The following FILIP1L variants were observed in gnomAD, a reference collection of about 807,000 sequenced individuals.
FILIP1L encodes the protein filamin A interacting protein 1 like.
In FILIP1L, 55 loss-of-function variants were observed where a neutral mutation model predicts 96.6. The ratio of observed to expected loss-of-function variants is 0.57; its 90% CI spans 0.46 to 0.71. The LOEUF is 0.71. Among genes scored for constraint, FILIP1L ranks in the 30% least tolerant of loss-of-function variants. FILIP1L has a pLI of 0.00. For missense variants in FILIP1L, 1,304 were observed against 1,321.2 expected (o/e 0.99, Z 0.20); for synonymous variants, 467 against 473.9 (o/e 0.99, Z 0.19).
chr3:99,923,895 C>T (rs1051043808), intron 4 of FILIP1L, among the ~76,000 whole-genome samples: 4 of 152,182 alleles, frequency 2.6e-5, no homozygotes, highest in African/African-American at 7.2e-5. Flanking sequence ...CACTTCTATA[C>T]TAACACACTT....
intron 1 of FILIP1L, among the ~76,000 whole-genome samples, chr3:99,952,652 A>C (rs1404251307): frequency 6.6e-6 from 1 of 152,226 alleles, no homozygotes; most frequent in Middle Eastern, 3.2e-3. Context: ...AGAGAAAGAG[A>C]GCACTGTTCA....
chr3:99,967,512 A>G (rs1342819835), intron 1 of FILIP1L, among the ~76,000 whole-genome samples: 3 of 152,172 alleles, frequency 2.0e-5, no homozygotes, highest in African/African-American at 7.2e-5. Flanking sequence ...TTGTTCCACT[A>G]AGAGTCCCCT....
intron 4 of FILIP1L, among the ~76,000 whole-genome samples, chr3:99,853,399 G>C (rs182162724): frequency 2.6e-5 from 4 of 152,288 alleles, no homozygotes; most frequent in East Asian, 3.9e-4. Context: ...TATAGCATGT[G>C]CTATGTCATT....
intron 1 of FILIP1L, among the ~76,000 whole-genome samples, chr3:100,068,746 G>A (rs1282694554): frequency 2.6e-5 from 4 of 152,118 alleles, no homozygotes; most frequent in Non-Finnish European, 4.4e-5. Context: ...TCCTGCCTCA[G>A]CCTCCCAAGT....
intron 1 of FILIP1L, among the ~76,000 whole-genome samples, chr3:99,975,450 AG>A (rs1708940930): frequency 6.6e-6 from 1 of 151,760 alleles, no homozygotes; most frequent in Non-Finnish European, 1.5e-5. Context: ...AAATTAGCTG[AG>A]TATGGTGGCG....
intron 5 of FILIP1L, among the ~76,000 whole-genome samples, chr3:99,843,526 A>T (rs908025126): frequency 6.6e-6 from 1 of 152,184 alleles, no homozygotes; most frequent in Non-Finnish European, 1.5e-5. Context: ...GTCAATACAG[A>T]TGCTTTTTGA....
At chr3:99,980,637 T>A (rs1344310409) in intron 1 of FILIP1L, among the ~76,000 whole-genome samples, 1 of 152,192 alleles carries the variant, frequency 6.6e-6, no homozygotes, top group Non-Finnish European at 1.5e-5. Context: ...GAATAAGGAA[T>A]TGAGGGCTTA....
chr3:99,956,961 G>T (rs1708338347), intron 1 of FILIP1L, among the ~76,000 whole-genome samples: 1 of 152,104 alleles, frequency 6.6e-6, no homozygotes, highest in Non-Finnish European at 1.5e-5. Flanking sequence ...TCTTAAAGAG[G>T]TCTTCCTACC....
intron 4 of FILIP1L, among the ~76,000 whole-genome samples, chr3:99,862,581 A>T (rs1429969281): frequency 6.6e-6 from 1 of 152,202 alleles, no homozygotes; most frequent in Non-Finnish European, 1.5e-5. Flanking sequence ...TACCTACTAA[A>T]TGCCAGGAGC....
chr3:100,019,186 A>G (rs1328145002), intron 1 of FILIP1L, among the ~76,000 whole-genome samples: 2 of 152,164 alleles, frequency 1.3e-5, no homozygotes, highest in Non-Finnish European at 1.5e-5. Context: ...GCATATATCC[A>G]AAAGAAAATC....
At chr3:100,098,900 G>A (rs1359330253) in intron 1 of FILIP1L, among the ~76,000 whole-genome samples, 3 of 152,132 alleles carry the variant, frequency 2.0e-5, no homozygotes, top group Admixed American at 1.3e-4. Flanking sequence ...TTCATTGCCT[G>A]GAACTAGATA....
At chr3:99,947,782 T>G (rs1226329466) in intron 1 of FILIP1L, among the ~76,000 whole-genome samples, 1 of 152,228 alleles carries the variant, frequency 6.6e-6, no homozygotes, top group African/African-American at 2.4e-5. Context: ...TAGACCACTA[T>G]ACTACCTTTC....
intron 1 of FILIP1L, among the ~76,000 whole-genome samples, chr3:99,989,581 G>A (rs1709451225): frequency 6.6e-6 from 1 of 151,626 alleles, no homozygotes; most frequent in Non-Finnish European, 1.5e-5. Context: ...AAGCTACTCT[G>A]ACTTTATTTT....
intron 1 of FILIP1L, among the ~76,000 whole-genome samples, chr3:99,983,494 A>ATATATG (rs1709230244): frequency 8.4e-6 from 1 of 119,012 alleles, no homozygotes; most frequent in Non-Finnish European, 1.7e-5. Context: ...ATATATATAT[A>ATATATG]TATATATATA....
At chr3:100,086,445 T>C (rs1188796162) in intron 1 of FILIP1L, among the ~76,000 whole-genome samples, 1 of 152,242 alleles carries the variant, frequency 6.6e-6, no homozygotes, top group Non-Finnish European at 1.5e-5. Context: ...GTTCTACTCT[T>C]ATCTGTGCTT....
At chr3:99,925,849 G>C in intron 3 of FILIP1L, 1 of 985,406 alleles carries the variant, frequency 1.0e-6, no homozygotes. Context: ...AGACAGCCAA[G>C]CTCACTGGGC....
rs547932382 is a variant in FILIP1L at position 100,051,720 on chromosome 3, G to A, written c.-11+62333C>T. On this transcript the variant is annotated intron_variant, in intron 1 of 5. Coordinates refer to ENST00000477258, the MANE Select transcript of FILIP1L (RefSeq NM_001387850.1). ...TTATGGCTGCATAGTATTCCATGGT[G>A]TACATGTGCCACATTTTCTTAATCT... Among the ~76,000 whole-genome samples the A allele has an allele frequency of 2.6e-5, 4 of 151,792 alleles. No individual in the cohort carries two copies. The South Asian group carries it at 8.3e-4, about 32-fold the overall frequency.
At chr3:99,984,101 T>A (rs1709260391) in intron 1 of FILIP1L, among the ~76,000 whole-genome samples, 1 of 105,646 alleles carries the variant, frequency 9.5e-6, no homozygotes, top group East Asian at 3.0e-4. Flanking sequence ...TAAAAGAATA[T>A]CAGGTGCTCA....
intron 1 of FILIP1L, among the ~76,000 whole-genome samples, chr3:100,087,072 C>G (rs893931864): frequency 6.6e-6 from 1 of 152,216 alleles, no homozygotes; most frequent in African/African-American, 2.4e-5. Flanking sequence ...TGTCATACAG[C>G]TGTACCATAG....
Sources: allele counts gnomAD v4.1 joint callset (sites outside exome capture counted in the v4.1 genomes callset), GRCh38; gene constraint gnomAD v4.1.1; transcripts MANE v1.5; gene names NCBI Gene and HGNC (gene_info 2026-07-23, HGNC 2026-07-21).